The following CNTNAP4 variants were observed in gnomAD, a reference collection of about 807,000 sequenced individuals.
CNTNAP4 encodes contactin associated protein family member 4.
A neutral mutation model predicts 148.4 loss-of-function variants in CNTNAP4; 98 were observed. The ratio of observed to expected loss-of-function variants is 0.66; its 90% CI spans 0.56 to 0.78. The LOEUF is 0.78. CNTNAP4 is among the 30% of genes least tolerant of loss of function. The probability of loss-of-function intolerance (pLI) is 0.00; values close to 1 mark genes in which losing one functional copy is unlikely to be tolerated. For missense variants in CNTNAP4, 1,935 were observed against 1,565.6 expected, an observed-to-expected ratio of 1.24 and a Z score of -3.98; for synonymous variants, 730 against 565.1, an observed-to-expected ratio of 1.29 and a Z score of -4.14.
At chr16:76,288,401 T>C (rs1393431202) in intron 1 of CNTNAP4, among the ~76,000 whole-genome samples, 2 of 152,190 alleles carry the variant, frequency 1.3e-5, no homozygotes, top group Admixed American at 6.6e-5. Context: ...TGGTGTCCCC[T>C]GTGTCCTCTA....
At chr16:76,444,602 C>A (rs16944438) in intron 4 of CNTNAP4, among the ~76,000 whole-genome samples, 7,928 of 152,008 alleles carry the variant, frequency 0.052, 648 homozygotes, top group African/African-American at 0.18. Flanking sequence ...ATATGATTAA[C>A]TTTATGCCAC....
chr16:76,505,903 C>G (rs2082821068), intron 15 of CNTNAP4, among the ~76,000 whole-genome samples: 1 of 95,788 alleles, frequency 1.0e-5, no homozygotes, highest in African/African-American at 2.6e-5. Flanking sequence ...TTGTCTCTTA[C>G]AAAACAAAAT....
At chr16:76,471,786 G>C (rs1347441743) in intron 10 of CNTNAP4, among the ~76,000 whole-genome samples, 2 of 152,306 alleles carry the variant, frequency 1.3e-5, no homozygotes, top group East Asian at 3.9e-4. Flanking sequence ...GGAGGCGAGG[G>C]CTAGGGATAT....
chr16:76,443,472 C>G (rs984799997), intron 4 of CNTNAP4, among the ~76,000 whole-genome samples: 1 of 152,100 alleles, frequency 6.6e-6, no homozygotes, highest in East Asian at 1.9e-4. Context: ...GTAGTCTCAA[C>G]TACTTGGAAG....
At chr16:76,418,923 T>G (rs541954347) in intron 3 of CNTNAP4, among the ~76,000 whole-genome samples, 1 of 152,178 alleles carries the variant, frequency 6.6e-6, no homozygotes, top group South Asian at 2.1e-4. Flanking sequence ...GTTCATCTAA[T>G]GCACTTATTT....
chr16:76,510,931 G>C (rs560657420), intron 15 of CNTNAP4, among the ~76,000 whole-genome samples: 1 of 152,094 alleles, frequency 6.6e-6, no homozygotes, highest in South Asian at 2.1e-4. Context: ...TATGTGACTT[G>C]CTTTTTCTGT....
intron 4 of CNTNAP4, among the ~76,000 whole-genome samples, chr16:76,446,279 G>A (rs1225406328): frequency 6.6e-6 from 1 of 152,080 alleles, no homozygotes; most frequent in Non-Finnish European, 1.5e-5. Context: ...ATGTCATTTC[G>A]TTGACTGGAA....
intron 7 of CNTNAP4, among the ~76,000 whole-genome samples, chr16:76,450,393 G>A (rs745390930): frequency 3.9e-5 from 6 of 152,054 alleles, no homozygotes; most frequent in African/African-American, 7.2e-5. Context: ...TGGGTGATCC[G>A]CCTGCCTCAG....
chr16:76,317,356 G>A (rs943534189), intron 2 of CNTNAP4, among the ~76,000 whole-genome samples: 1 of 146,550 alleles, frequency 6.8e-6, no homozygotes, highest in Non-Finnish European at 1.5e-5. Flanking sequence ...ACTTGAATAT[G>A]TTAAAAGGAA....
In CNTNAP4 at chr16:76,507,462, TA is replaced by T. The variant is rs1229178799; in HGVS notation, c.2365+8772del. 2.0e-5 allele frequency among the ~76,000 whole-genome samples: 2 copies of T among 97,774 alleles called. 1 individual carries two copies. The highest frequency in any genetic ancestry group is 1.1e-3 in the East Asian group (2 of 1,852). 64.1% of individuals were successfully genotyped at this position (97,774 alleles called of 152,430 possible). ...TCATTTTTAGACCTCACAAATAAAT[TA>T]AAACTTGCAATGTTTGTCTTTCTGT... On this transcript the variant is annotated intron_variant, in intron 15 of 23. Transcript: ENST00000611870.
chr16:76,434,320 G>A (rs957067224), intron 4 of CNTNAP4, among the ~76,000 whole-genome samples: 17 of 152,240 alleles, frequency 1.1e-4, no homozygotes, highest in Non-Finnish European at 2.5e-4. Context: ...GACAGTAAAG[G>A]TATATTGCTG....
chr16:76,359,781 C>A (rs1033151028), intron 3 of CNTNAP4, among the ~76,000 whole-genome samples: 1 of 152,194 alleles, frequency 6.6e-6, no homozygotes, highest in Non-Finnish European at 1.5e-5. Context: ...AATTCCTCAA[C>A]ATCTATAATA....
intron 15 of CNTNAP4, among the ~76,000 whole-genome samples, chr16:76,514,404 C>G (rs2083157994): frequency 6.6e-6 from 1 of 152,136 alleles, no homozygotes; most frequent in Admixed American, 6.5e-5. Flanking sequence ...TATTTCTTTG[C>G]TATTAATATC....
Position 76,500,775 on chromosome 16 carries a change from T to A in CNTNAP4, c.2365+2081T>A, listed in dbSNP as rs899425117. On this transcript the variant is annotated intron_variant, in intron 15 of 23. Transcript: ENST00000611870. ...TGTTCCATATATACATATATATGTT[T>A]TATATATATATATTTTCTTTGATCA... is the stretch of plus-strand genomic sequence containing the variant. Among the ~76,000 whole-genome samples, 14 of 151,320 alleles carry A rather than the reference T, an allele frequency of 9.3e-5. 1 individual carries two copies. The highest frequency in any genetic ancestry group is 4.0e-4 in the Admixed American group (6 of 15,188).
At chr16:76,430,187 T>C (rs928319182) in intron 4 of CNTNAP4, among the ~76,000 whole-genome samples, 12 of 152,222 alleles carry the variant, frequency 7.9e-5, no homozygotes, top group African/African-American at 2.7e-4. Context: ...AGCCATCATT[T>C]ATTAAAGTTA....
At chr16:76,354,357 A>G (rs1398133584) in intron 2 of CNTNAP4, among the ~76,000 whole-genome samples, 2 of 152,240 alleles carry the variant, frequency 1.3e-5, no homozygotes, top group Admixed American at 6.5e-5. Context: ...TGGATCAAAT[A>G]TAACACAGTA....
At chr16:76,332,969 C>T (rs764609515) in intron 2 of CNTNAP4, among the ~76,000 whole-genome samples, 1 of 152,208 alleles carries the variant, frequency 6.6e-6, no homozygotes, top group Non-Finnish European at 1.5e-5. Flanking sequence ...AGGTCTGTGT[C>T]TGGAGACCAT....
intron 2 of CNTNAP4, among the ~76,000 whole-genome samples, chr16:76,345,697 A>T (rs1964845618): frequency 6.6e-6 from 1 of 152,160 alleles, no homozygotes; most frequent in Non-Finnish European, 1.5e-5. Flanking sequence ...TTACATTTCA[A>T]AGGGGTGGCT....
chr16:76,521,824 CA>C (rs2083464200), intron 16 of CNTNAP4, among the ~76,000 whole-genome samples: 2 of 148,390 alleles, frequency 1.3e-5, no homozygotes, highest in African/African-American at 5.0e-5. Context: ...ATTTTTTTTT[CA>C]AAAACATGAA....
Sources: gnomAD v4.1 joint callset for allele counts (sites outside exome capture counted in the v4.1 genomes callset) on GRCh38, gnomAD v4.1.1 for gene constraint, MANE v1.5 for transcripts, NCBI Gene and HGNC (gene_info 2026-07-23, HGNC 2026-07-21) for gene names.